Variants in MPRIP observed in about 807,000 individuals in gnomAD.
MPRIP encodes myosin phosphatase Rho interacting protein.
In MPRIP, 59 loss-of-function variants were observed where a neutral mutation model predicts 234.9. The ratio of observed to expected loss-of-function variants is 0.25; its 90% CI spans 0.20 to 0.31. MPRIP has a LOEUF of 0.31. Among genes scored for constraint, MPRIP ranks in the 10% least tolerant of loss-of-function variants. The probability of loss-of-function intolerance (pLI) is 1.00; values close to 1 mark genes in which losing one functional copy is unlikely to be tolerated. For synonymous variants in MPRIP, 1,144 were observed against 1,263.9 expected, an observed-to-expected ratio of 0.91 and a Z score of 2.01; for missense variants, 2,436 against 3,071.0, an observed-to-expected ratio of 0.79 and a Z score of 4.89.
At chr17:17,135,380 A>C (rs1597864765) in intron 5 of MPRIP, among the ~76,000 whole-genome samples, 2 of 152,190 alleles carry the variant, frequency 1.3e-5, no homozygotes, top group East Asian at 3.9e-4. Context: ...TGAGCTTGTG[A>C]GTGTGAGAGA....
chr17:17,047,738 C>G (rs2088399265), intron 1 of MPRIP, among the ~76,000 whole-genome samples: 1 of 152,028 alleles, frequency 6.6e-6, no homozygotes, highest in African/African-American at 2.4e-5. Flanking sequence ...TTGGAGTAAA[C>G]TTGGGGGATG....
Position 17,188,351 on chromosome 17 carries a change from C to G in MPRIP, c.*3457C>G, listed in dbSNP as rs891593581. 2.0e-5 allele frequency: 3 copies of G among 152,272 alleles called. No individual in the cohort carries two copies. Among genetic ancestry groups the G allele is most frequent in the Non-Finnish European group, 4.4e-5 (3 of 68,094 alleles). The allele number at this position is 152,272 out of a possible 1,614,324, so 9.4% of individuals were successfully genotyped here. ...AGGTTTATTGAACAAGAGGTAACAT[C>G]GGAGAGGATCTTGCCTTCGGATTCA... is the stretch of plus-strand genomic sequence containing the variant. On this transcript the variant is annotated 3_prime_UTR_variant, in exon 24 of 24. Transcript: ENST00000651222.
intron 1 of MPRIP, among the ~76,000 whole-genome samples, chr17:17,050,570 T>G (rs4985714): frequency 0.082 from 12,508 of 152,252 alleles, 724 homozygotes; most frequent in East Asian, 0.16. Flanking sequence ...CCCTTGGGCC[T>G]TGGGTTGGAA....
chr17:17,129,367 C>A (rs2090553801), intron 4 of MPRIP, among the ~76,000 whole-genome samples: 1 of 152,170 alleles, frequency 6.6e-6, no homozygotes, highest in Non-Finnish European at 1.5e-5. Flanking sequence ...CATATTCACA[C>A]CCCTCTCCTC....
intron 1 of MPRIP, among the ~76,000 whole-genome samples, chr17:17,060,996 G>A (rs890081742): frequency 8.5e-5 from 13 of 152,314 alleles, no homozygotes; most frequent in Admixed American, 4.6e-4. Context: ...ACCAGTGTTC[G>A]TCGGCCCTGG....
At chr17:17,096,795 C>A (rs1401155721) in intron 3 of MPRIP, 1 of 471,172 alleles carries the variant, frequency 2.1e-6, no homozygotes, top group South Asian at 1.5e-5. Context: ...CTCCTTGGGG[C>A]CTGGGGAAAC....
chr17:17,145,341 G>C (rs1303920886), intron 9 of MPRIP, among the ~76,000 whole-genome samples: 1 of 152,240 alleles, frequency 6.6e-6, no homozygotes, highest in Non-Finnish European at 1.5e-5. Flanking sequence ...TCGGACCAGA[G>C]ATAAGGTGAC....
Position 17,173,938 on chromosome 17 carries a change from C to G in MPRIP, c.6613C>G (p.Arg2205Gly). ...CAGGGAGGAGCTGCAGTCGGTGCAG[C>G]GGGAACTGGAGGTCCTCTCGGAGCA... ...QYLEELQSVQ[R>G]ELEVLSEQYS... The change falls in exon 19 of 24, where the codon CGG (arginine) becomes GGG (glycine). Residue 2205 changes from arginine to glycine, a missense_variant. Physicochemically the swap from Arg to Gly is moderately radical, Grantham distance 125. This residue lies in a region of MPRIP where 1,998 missense variants were observed against 2,520.3 expected (regional missense o/e 0.79). Transcript: ENST00000651222. 1.2e-6 allele frequency: 2 copies of G among 1,613,526 alleles called. No individual in the cohort carries two copies. The highest frequency in any genetic ancestry group is 1.7e-6 in the Non-Finnish European group (2 of 1,179,936).
intron 19 of MPRIP, 35 bp from the exon 20 acceptor site, chr17:17,175,258 C>G: frequency 6.2e-7 from 1 of 1,612,312 alleles, no homozygotes; most frequent in Non-Finnish European, 8.5e-7. Context: ...CCCCAGGCAG[C>G]TCTGGAGTGT....
intron 23 of MPRIP, among the ~76,000 whole-genome samples, chr17:17,184,269 A>G (rs556147636): frequency 1.8e-4 from 27 of 152,336 alleles, no homozygotes; most frequent in East Asian, 1.3e-3. Context: ...CCACATCCCC[A>G]TAACACTCAC....
chr17:17,128,566 G>T (rs190653850), intron 4 of MPRIP, among the ~76,000 whole-genome samples: 2 of 152,302 alleles, frequency 1.3e-5, no homozygotes, highest in East Asian at 3.9e-4. Context: ...GGTACCGGGT[G>T]CACATGCCAT....
intron 1 of MPRIP, among the ~76,000 whole-genome samples, chr17:17,057,096 G>A (rs2088722939): frequency 6.6e-6 from 1 of 152,246 alleles, no homozygotes; most frequent in Non-Finnish European, 1.5e-5. Context: ...TTGCTGGCCT[G>A]TGGCCATTCT....
intron 3 of MPRIP, among the ~76,000 whole-genome samples, chr17:17,090,298 G>A (rs1368886413): frequency 1.3e-5 from 2 of 152,188 alleles, no homozygotes; most frequent in African/African-American, 2.4e-5. Flanking sequence ...GTCCCGCAGG[G>A]GCAGAAGGGT....
chr17:17,064,845 A>G (rs1282670683), intron 1 of MPRIP, among the ~76,000 whole-genome samples: 1 of 152,142 alleles, frequency 6.6e-6, no homozygotes, highest in Non-Finnish European at 1.5e-5. Context: ...GTGTGAGTGT[A>G]TGTTTTCATT....
chr17:17,044,110 C>T (rs1050908176), intron 1 of MPRIP, among the ~76,000 whole-genome samples: 8 of 152,294 alleles, frequency 5.3e-5, no homozygotes, highest in Middle Eastern at 3.4e-3. Flanking sequence ...GGCACGGGGC[C>T]TTTCTCTGAG....
At chr17:17,136,522 T>C in intron 6 of MPRIP, 72 bp downstream of exon 6, 1 of 1,444,070 alleles carries the variant, frequency 6.9e-7, no homozygotes, top group Non-Finnish European at 9.5e-7. Context: ...CCCTGGGGAT[T>C]CAGCCAAGGC....
At position 17,164,288 on chromosome 17, in the gene MPRIP, C is replaced by G; in HGVS notation, c.2697C>G (p.Ile899Met). 1 of 1,304,206 alleles carries G rather than the reference C, an allele frequency of 7.7e-7. No homozygotes were observed. Among genetic ancestry groups the G allele is most frequent in the Non-Finnish European group, 1.0e-6 (1 of 988,972 alleles). 80.8% of individuals were successfully genotyped at this position (1,304,206 alleles called of 1,614,324 possible). Residue 899 changes from isoleucine (I) to methionine (M), a missense_variant, in exon 16 of 24, where the codon ATC (isoleucine) becomes ATG (methionine). Ile to Met is a conservative substitution (Grantham distance 10). Transcript: ENST00000651222. The stretch of plus-strand genomic sequence containing the variant: ...CGATCCGGCACCACGAGGCTGAGAT[C>G]CGGAGCCTTCAGGCACGGCTCAGCA... ...KDTIRHHEAE[I>M]RSLQARLSNA...
At chr17:17,147,206 T>A (rs2045486911) in intron 10 of MPRIP, 113 bp from the exon 11 acceptor site, 2 of 999,536 alleles carry the variant, frequency 2.0e-6, no homozygotes, top group African/African-American at 3.2e-5. Context: ...TGTCCCCTGC[T>A]TTCCCTGTGC....
At chr17:17,047,685 G>A (rs951717007) in intron 1 of MPRIP, among the ~76,000 whole-genome samples, 1 of 152,142 alleles carries the variant, frequency 6.6e-6, no homozygotes, top group African/African-American at 2.4e-5. Flanking sequence ...GAGGAACCTG[G>A]GGTAGTTAGA....
Sources: gnomAD v4.1 joint callset for allele counts (sites outside exome capture counted in the v4.1 genomes callset) on GRCh38, gnomAD v4.1.1 for gene constraint, gnomAD v4.1.1 regional missense constraint, MANE v1.5 for transcripts, NCBI Gene and HGNC (gene_info 2026-07-23, HGNC 2026-07-21) for gene names.